DACH2: variants seen among roughly 807,000 people sequenced by gnomAD.
DACH2 encodes dachshund family transcription factor 2, also known as dachshund homolog 2.
In DACH2, 17 loss-of-function variants were observed where a neutral mutation model predicts 35.8. The ratio of observed to expected loss-of-function variants is 0.48; its 90% CI spans 0.33 to 0.71. DACH2 has a LOEUF of 0.71. Ranked by LOEUF, DACH2 falls within the 30% of genes least tolerant of loss-of-function variation. The probability of loss-of-function intolerance (pLI) is 0.02; values close to 1 mark genes in which losing one functional copy is unlikely to be tolerated. For missense variants in DACH2, 469 were observed against 472.7 expected (o/e 0.99, Z 0.07); for synonymous variants, 195 against 177.3 (o/e 1.10, Z -0.79).
At chrX:86,426,398 G>C (rs1480341819) in intron 2 of DACH2, among the ~76,000 whole-genome samples, 1 of 110,977 alleles carries the variant, frequency 9.0e-6, no homozygotes, top group African/African-American at 3.3e-5. Flanking sequence ...TGATTTGGCT[G>C]TGTCATCTAT....
At chrX:86,419,405 CACA>C (rs1399227198) in intron 2 of DACH2, among the ~76,000 whole-genome samples, 3 of 112,140 alleles carry the variant, frequency 2.7e-5, no homozygotes, top group East Asian at 2.8e-4. Context: ...GAAGGCAAGG[CACA>C]ACAAGTCACA....
intron 2 of DACH2, among the ~76,000 whole-genome samples, chrX:86,445,330 G>A (rs2037243448): frequency 1.3e-5 from 1 of 78,792 alleles, no homozygotes; most frequent in Non-Finnish European, 2.4e-5. Context: ...GACACAGGAA[G>A]GGGAATATCA....
chrX:86,529,653 T>C (rs1252000908), intron 3 of DACH2, among the ~76,000 whole-genome samples: 1 of 108,559 alleles, frequency 9.2e-6, no homozygotes, highest in Non-Finnish European at 1.9e-5. Context: ...TTTGTATTTT[T>C]AGTAGAGACA....
intron 3 of DACH2, among the ~76,000 whole-genome samples, chrX:86,641,712 G>A (rs1200882638): frequency 1.8e-5 from 2 of 111,475 alleles, no homozygotes; most frequent in African/African-American, 3.3e-5. Flanking sequence ...GAAAAAGGGC[G>A]GGTAACCTAC....
At position 86,506,400 on chromosome X, in the gene DACH2, T is replaced by C. The variant is rs911050353; in HGVS notation, c.528-7879T>C. On this transcript the variant is annotated intron_variant, in intron 2 of 11. Coordinates refer to ENST00000373125, the MANE Select transcript of DACH2 (RefSeq NM_053281.3). ...TTTTCTTTGCACTTTATTTTATTTA[T>C]TTATTATTTTTGAGACAGTATGTTG... Among the ~76,000 whole-genome samples, 4 of 111,440 alleles carry C rather than the reference T, an allele frequency of 3.6e-5. 1 individual carries two copies. Among genetic ancestry groups the C allele is most frequent in the Admixed American group, 2.9e-4 (3 of 10,453 alleles).
At chrX:86,154,323 ATAT>A (rs1974218789) in intron 1 of DACH2, among the ~76,000 whole-genome samples, 1 of 111,451 alleles carries the variant, frequency 9.0e-6, no homozygotes, top group South Asian at 3.7e-4. Flanking sequence ...AAAACTGAAA[ATAT>A]TATGTTTTTG....
intron 11 of DACH2, among the ~76,000 whole-genome samples, chrX:86,820,121 C>T (rs748600767): frequency 4.4e-4 from 49 of 111,531 alleles, no homozygotes; most frequent in African/African-American, 1.4e-3. Flanking sequence ...GGGGAGATAA[C>T]GTCATAAAGT....
chrX:86,550,775 A>T (rs930650849), intron 3 of DACH2, among the ~76,000 whole-genome samples: 3 of 111,880 alleles, frequency 2.7e-5, no homozygotes, highest in African/African-American at 9.7e-5. Flanking sequence ...TACAGCCAGA[A>T]GACTGACTAA....
chrX:86,224,593 G>A (rs2032782863), intron 1 of DACH2, among the ~76,000 whole-genome samples: 1 of 106,425 alleles, frequency 9.4e-6, no homozygotes, highest in Admixed American at 9.8e-5. Context: ...TTTGAAATCA[G>A]GATTGTTCTT....
At chrX:86,481,017 G>A (rs185778628) in intron 2 of DACH2, 2 of 111,947 alleles carry the variant, frequency 1.8e-5, no homozygotes, top group Non-Finnish European at 3.8e-5. Context: ...TTTCACGTTA[G>A]TTTTTATTAT....
At chrX:86,243,191 G>A (rs2147943883) in intron 1 of DACH2, among the ~76,000 whole-genome samples, 1 of 111,089 alleles carries the variant, frequency 9.0e-6, no homozygotes, top group East Asian at 2.8e-4. Context: ...GGTAGAAAAT[G>A]GGGAGATAAG....
intron 2 of DACH2, among the ~76,000 whole-genome samples, chrX:86,458,285 A>G (rs1247809831): frequency 8.9e-6 from 1 of 111,872 alleles, no homozygotes; most frequent in Non-Finnish European, 1.9e-5. Context: ...TCAAGTCAAA[A>G]GTCATTCTTC....
chrX:86,150,964 T>C (rs1274521855), intron 1 of DACH2, among the ~76,000 whole-genome samples: 2 of 111,820 alleles, frequency 1.8e-5, no homozygotes, highest in African/African-American at 3.2e-5. Context: ...ATGCCCATTC[T>C]TAAAGTGGAA....
intron 2 of DACH2, among the ~76,000 whole-genome samples, chrX:86,484,017 A>G (rs185326219): frequency 9.0e-6 from 1 of 111,200 alleles, no homozygotes; most frequent in Non-Finnish European, 1.9e-5. Context: ...TTATATGTAT[A>G]TTTTTTATTT....
chrX:86,244,357 T>A (rs1378437238), intron 1 of DACH2, among the ~76,000 whole-genome samples: 1 of 112,307 alleles, frequency 8.9e-6, no homozygotes, highest in Non-Finnish European at 1.9e-5. Flanking sequence ...CAATCATAGC[T>A]AACTTAGGGA....
intron 2 of DACH2, among the ~76,000 whole-genome samples, chrX:86,450,219 C>T (rs1410568197): frequency 5.4e-5 from 6 of 110,692 alleles, no homozygotes; most frequent in African/African-American, 2.0e-4. Flanking sequence ...TGATCCTCTC[C>T]ATCCTCCATG....
In DACH2 at chrX:86,299,259, G is replaced by T. The variant is rs759027459; in HGVS notation, c.489-77565G>T. Among the ~76,000 whole-genome samples the T allele has an allele frequency of 2.7e-5, 3 of 111,696 alleles. No individual in the cohort carries two copies. The East Asian group carries it at 8.4e-4, about 31-fold the overall frequency. On this transcript the variant is annotated intron_variant, in intron 1 of 11. Coordinates refer to ENST00000373125, the MANE Select transcript of DACH2 (RefSeq NM_053281.3). The stretch of plus-strand genomic sequence containing the variant: ...TTGCCTTTTATAATTAAGCTACTGT[G>T]GATGAACCTTTTATGACAAATAAGA...
chrX:86,635,507 A>G (rs1466673885), intron 3 of DACH2, among the ~76,000 whole-genome samples: 1 of 110,894 alleles, frequency 9.0e-6, no homozygotes, highest in Non-Finnish European at 1.9e-5. Context: ...CCTAGTCAGC[A>G]TAATATTGGA....
At chrX:86,689,834 A>C (rs1441362893) in intron 4 of DACH2, among the ~76,000 whole-genome samples, 1 of 111,966 alleles carries the variant, frequency 8.9e-6, no homozygotes, top group Non-Finnish European at 1.9e-5. Context: ...TTTTCCTAGT[A>C]GGTGGCTTTT....
Sources: gnomAD v4.1 joint callset for allele counts (sites outside exome capture counted in the v4.1 genomes callset) on GRCh38, gnomAD v4.1.1 for gene constraint, MANE v1.5 for transcripts, NCBI Gene and HGNC (gene_info 2026-07-23, HGNC 2026-07-21) for gene names.